COLGALT2: variants seen among roughly 807,000 people sequenced by gnomAD.
COLGALT2 encodes the protein collagen beta(1-O)galactosyltransferase 2, also known as procollagen galactosyltransferase 2.
COLGALT2 carries 49 observed loss-of-function variants against 73.4 expected under a neutral mutation model. That is an observed-to-expected ratio of 0.67 (90% confidence interval 0.53 to 0.85). COLGALT2 has a LOEUF of 0.85. COLGALT2 is among the 40% of genes least tolerant of loss of function. The probability of loss-of-function intolerance (pLI) is 0.00; values close to 1 mark genes in which losing one functional copy is unlikely to be tolerated. For synonymous variants in COLGALT2, 295 were observed against 307.6 expected, an observed-to-expected ratio of 0.96 and a Z score of 0.43; for missense variants, 722 against 790.2, an observed-to-expected ratio of 0.91 and a Z score of 1.03.
intron 1 of COLGALT2, among the ~76,000 whole-genome samples, chr1:184,017,598 C>A (rs1455968923): frequency 6.6e-6 from 1 of 152,202 alleles, no homozygotes. Flanking sequence ...TCCAGGGCCA[C>A]TCCAGTGCCA....
chr1:183,986,202 A>G (rs1254302872), intron 1 of COLGALT2, among the ~76,000 whole-genome samples: 1 of 152,114 alleles, frequency 6.6e-6, no homozygotes, highest in Non-Finnish European at 1.5e-5. Flanking sequence ...TGGAAACTAG[A>G]TATGGATATG....
At chr1:183,995,881 TTTA>T (rs1330422471) in intron 1 of COLGALT2, among the ~76,000 whole-genome samples, 1 of 152,164 alleles carries the variant, frequency 6.6e-6, no homozygotes, top group Non-Finnish European at 1.5e-5. Context: ...TATACCCCAT[TTTA>T]TTATTATATT....
rs1244167055 is a variant in COLGALT2, at chr1:184,037,186, C to T, written c.172G>A (p.Ala58Thr). The change falls in exon 1 of 12, where the codon GCG (alanine) becomes ACG (threonine). Residue 58 changes from alanine (A) to threonine (T), a missense_variant. Ala to Thr is a moderately conservative substitution (Grantham distance 58). Transcript: ENST00000361927. ...TGCGCCGCGTTGCGGGCGAGGACCG[C>T]CACGAGCACCGTGGGGCTCTGCAGG... ...SPLQSPTVLV[A>T]VLARNAAHTL... 6.2e-7 allele frequency: 1 copy of T among 1,605,210 alleles called. No homozygotes were observed. Among genetic ancestry groups the T allele is most frequent in the Admixed American group, 1.7e-5 (1 of 59,576 alleles).
At chr1:183,990,431 A>G (rs1424806432) in intron 1 of COLGALT2, among the ~76,000 whole-genome samples, 2 of 152,244 alleles carry the variant, frequency 1.3e-5, no homozygotes, top group African/African-American at 4.8e-5. Flanking sequence ...GGAAAGCAAC[A>G]CCTTGTCATT....
At chr1:183,948,918 T>C (rs1361809198) in intron 8 of COLGALT2, among the ~76,000 whole-genome samples, 1 of 152,132 alleles carries the variant, frequency 6.6e-6, no homozygotes, top group Non-Finnish European at 1.5e-5. Context: ...CAAAAATCAA[T>C]TGTATTCTTA....
intron 2 of COLGALT2, among the ~76,000 whole-genome samples, 160 bp downstream of exon 2, chr1:183,978,250 A>G (rs1467829593): frequency 6.6e-6 from 1 of 152,224 alleles, no homozygotes; most frequent in Non-Finnish European, 1.5e-5. Flanking sequence ...TACTGTGAAG[A>G]TCTCTAAAAG....
Position 183,936,972 on chromosome 1 carries a change from A to G in COLGALT2, c.*1789T>C. The G allele has an allele frequency of 8.1e-7, 1 of 1,231,654 alleles. No individual in the cohort carries two copies. The highest frequency in any genetic ancestry group is 1.0e-6 in the Non-Finnish European group (1 of 987,954). 76.3% of individuals were successfully genotyped at this position (1,231,654 alleles called of 1,614,324 possible). ...CTGGGGAGATGAGGCTGCCTTGACTACCTATTTGGTGATGAGACAGCTTGG... is the reference window on the plus strand; with the variant it reads ...CTGGGGAGATGAGGCTGCCTTGACTGCCTATTTGGTGATGAGACAGCTTGG... On this transcript the variant is annotated 3_prime_UTR_variant, in exon 12 of 12. Transcript: ENST00000361927.
intron 10 of COLGALT2, among the ~76,000 whole-genome samples, chr1:183,943,208 CA>C (rs1371496793): frequency 6.6e-6 from 1 of 152,204 alleles, no homozygotes; most frequent in African/African-American, 2.4e-5. Flanking sequence ...CTTCTGAGCT[CA>C]GAGTGGCCCA....
intron 1 of COLGALT2, among the ~76,000 whole-genome samples, chr1:184,000,999 T>G (rs1671907273): frequency 6.6e-6 from 1 of 152,096 alleles, no homozygotes; most frequent in Non-Finnish European, 1.5e-5. Context: ...CTGGCTAATT[T>G]TTTGTATTTC....
chr1:183,958,430 C>G (rs1263139840), intron 6 of COLGALT2, among the ~76,000 whole-genome samples: 1 of 152,114 alleles, frequency 6.6e-6, no homozygotes, highest in Non-Finnish European at 1.5e-5. Context: ...TCACAGATGT[C>G]AAATTGGCAC....
chr1:184,005,662 A>G (rs982774358), intron 1 of COLGALT2, among the ~76,000 whole-genome samples: 2 of 151,816 alleles, frequency 1.3e-5, no homozygotes, highest in African/African-American at 4.8e-5. Context: ...CTCCGTCCTC[A>G]CTCCACCAAG....
At chr1:183,934,567 A>G (rs954108688), downstream of COLGALT2, among the ~76,000 whole-genome samples, 1 of 152,216 alleles carries the variant, frequency 6.6e-6, no homozygotes, top group Non-Finnish European at 1.5e-5. Flanking sequence ...TTCTTCTCAT[A>G]TAGCCAGCCT....
chr1:183,933,216 G>A (rs1669881694), downstream of COLGALT2, among the ~76,000 whole-genome samples: 1 of 152,104 alleles, frequency 6.6e-6, no homozygotes, highest in Non-Finnish European at 1.5e-5. Flanking sequence ...CTTGGCCTGT[G>A]CACTGGCATC....
chr1:183,983,601 C>T (rs770725431), intron 1 of COLGALT2, among the ~76,000 whole-genome samples: 2 of 152,154 alleles, frequency 1.3e-5, no homozygotes, highest in Non-Finnish European at 2.9e-5. Flanking sequence ...CACAAGGCAG[C>T]AACAGCGCAG....
At chr1:183,976,692 T>G (rs1199282100) in intron 2 of COLGALT2, among the ~76,000 whole-genome samples, 1 of 152,146 alleles carries the variant, frequency 6.6e-6, no homozygotes, top group Non-Finnish European at 1.5e-5. Context: ...TATAAAGTGT[T>G]TATATATTCT....
chr1:183,945,280 G>C, intron 9 of COLGALT2, 152 bp downstream of exon 9: 3 of 925,634 alleles, frequency 3.2e-6, no homozygotes, highest in South Asian at 1.7e-5. Context: ...TGCTGGTCTT[G>C]GGTCAGAGGG....
chr1:183,976,984 A>G (rs1671213738), intron 2 of COLGALT2, among the ~76,000 whole-genome samples: 1 of 152,240 alleles, frequency 6.6e-6, no homozygotes, highest in African/African-American at 2.4e-5. Context: ...CGTTCTGGAT[A>G]AAGCACATTT....
intron 3 of COLGALT2, among the ~76,000 whole-genome samples, 169 bp downstream of exon 3, chr1:183,974,928 G>A (rs1481914432): frequency 1.3e-5 from 2 of 152,130 alleles, no homozygotes; most frequent in East Asian, 3.9e-4. Context: ...AGTCCAGGTA[G>A]CCCAATTTTA....
At chr1:183,954,986 G>A (rs937996487) in intron 6 of COLGALT2, 148 bp from the exon 7 acceptor site, 2 of 659,698 alleles carry the variant, frequency 3.0e-6, no homozygotes, top group Non-Finnish European at 5.6e-6. Flanking sequence ...GGATTGAGTA[G>A]CCACACAGGA....
Sources: allele counts gnomAD v4.1 joint callset (sites outside exome capture counted in the v4.1 genomes callset), GRCh38; gene constraint gnomAD v4.1.1; transcripts MANE v1.5; gene names NCBI Gene and HGNC (gene_info 2026-07-23, HGNC 2026-07-21).